HDDC2: variants seen among roughly 807,000 people sequenced by gnomAD.
The protein encoded by HDDC2 is 5'-deoxynucleotidase HDDC2.
A neutral mutation model predicts 25.5 loss-of-function variants in HDDC2; 25 were observed. The ratio of observed to expected loss-of-function variants is 0.98; its 90% CI spans 0.72 to 1.37. HDDC2 has a LOEUF of 1.37. Among genes scored for constraint, HDDC2 ranks in the 40% most tolerant of loss-of-function variants. The probability of loss-of-function intolerance (pLI) is 0.00; values close to 1 mark genes in which losing one functional copy is unlikely to be tolerated. For missense variants in HDDC2, 264 were observed against 253.1 expected (o/e 1.04, Z -0.29); for synonymous variants, 106 against 89.7 (o/e 1.18, Z -1.03).
At position 125,276,138 on chromosome 6, in the gene HDDC2, A is replaced by T. The variant is rs767410553; in HGVS notation, c.*8T>A. On this transcript the variant is annotated 3_prime_UTR_variant, in exon 6 of 6. Transcript: ENST00000398153. ...TTGTTACAGGAGTGCAGCAATTTAG[A>T]GAGTGTCTCAGGAGTGTGGCTCACT... 4 of 1,586,586 alleles carry T rather than the reference A, an allele frequency of 2.5e-6. No homozygotes were observed. The Admixed American group carries it at 6.7e-5, about 26-fold the overall frequency.
In HDDC2 at chr6:125,293,610, C is replaced by T. The variant is rs962089411; in HGVS notation, c.310-701G>A. On this transcript the variant is annotated intron_variant, in intron 3 of 5. Transcript: ENST00000398153. ...GTAGGGAGCCTAGTACCTCAAGAGG[C>T]TGCCTTAGACAGTACTGGCAGAAAT... Among the ~76,000 whole-genome samples, 6 of 152,250 alleles carry T rather than the reference C, an allele frequency of 3.9e-5. No homozygotes were observed. In the South Asian group the frequency reaches 1.0e-3, roughly 26 times the overall value.
intron 4 of HDDC2, among the ~76,000 whole-genome samples, chr6:125,285,278 C>G (rs1798514292): frequency 6.6e-6 from 1 of 151,568 alleles, no homozygotes; most frequent in African/African-American, 2.4e-5. Context: ...CAAACCTGCA[C>G]GTTCTGCACA....
At position 125,293,264 on chromosome 6, in the gene HDDC2, T is replaced by A. The variant is rs186657242; in HGVS notation, c.310-355A>T. The A allele has an allele frequency of 2.2e-3, 784 of 351,942 alleles. 3 individuals carry two copies. Among genetic ancestry groups the A allele is most frequent in the Non-Finnish European group, 3.3e-3 (608 of 182,786 alleles). The allele number at this position is 351,942 out of a possible 1,614,324, so 21.8% of individuals were successfully genotyped here. ...CACAACATACCCACATACATTTCAATCATAAGCATATGAGAGTTCAAAACA... is the reference window on the plus strand; with the variant it reads ...CACAACATACCCACATACATTTCAAACATAAGCATATGAGAGTTCAAAACA... On this transcript the variant is annotated intron_variant, in intron 3 of 5. Transcript: ENST00000398153.
chr6:125,277,010 T>C (rs1490140960), intron 5 of HDDC2, 92 bp downstream of exon 5: 2 of 1,280,652 alleles, frequency 1.6e-6, no homozygotes, highest in Non-Finnish European at 2.2e-6. Flanking sequence ...CAGATGAAGG[T>C]ACCAACAGTG....
chr6:125,284,712 G>A (rs1798506550), intron 4 of HDDC2, among the ~76,000 whole-genome samples: 2 of 152,200 alleles, frequency 1.3e-5, no homozygotes, highest in Non-Finnish European at 2.9e-5. Context: ...CTACACTGTT[G>A]GTGGGAGTGC....
At chr6:125,286,891 C>T (rs1798545723) in intron 4 of HDDC2, among the ~76,000 whole-genome samples, 2 of 152,142 alleles carry the variant, frequency 1.3e-5, no homozygotes, top group Admixed American at 1.3e-4. Context: ...TAGAATATTA[C>T]CATTCTGAAG....
At chr6:125,300,316 C>T (rs1798775588) in intron 2 of HDDC2, 1 of 514,742 alleles carries the variant, frequency 1.9e-6, no homozygotes, top group Non-Finnish European at 3.4e-6. Context: ...TCCCCTGATA[C>T]CCTAGGCAGG....
intron 4 of HDDC2, among the ~76,000 whole-genome samples, chr6:125,282,156 G>C (rs559798579): frequency 2.4e-4 from 37 of 152,234 alleles, no homozygotes; most frequent in East Asian, 3.9e-4. Flanking sequence ...GACCAGCCTG[G>C]CCAACATGGT....
chr6:125,299,572 C>A lies in HDDC2; in HGVS notation c.207-756G>T, dbSNP rs147596757. Among the ~76,000 whole-genome samples, 242 of 152,300 alleles carry A rather than the reference C, an allele frequency of 1.6e-3. 1 individual carries two copies. Among genetic ancestry groups the A allele is most frequent in the African/African-American group, 5.6e-3 (234 of 41,570 alleles). ...TTTTAGGCTCCCCACACTACCAAGG[C>A]AGTACAAGGCCCAACAGTGTCCTCT... On this transcript the variant is annotated intron_variant, in intron 2 of 5. Transcript: ENST00000398153.
At chr6:125,276,922 T>C in intron 5 of HDDC2, 180 bp downstream of exon 5, 1 of 616,636 alleles carries the variant, frequency 1.6e-6, no homozygotes, top group Non-Finnish European at 2.8e-6. Flanking sequence ...TTAAACTCTA[T>C]TCCATTTATT....
At position 125,301,886 on chromosome 6, in the gene HDDC2, G is replaced by T; in HGVS notation, c.47C>A (p.Ser16Tyr). ...TACCAGCCGCAGGAACTGCAGTAGG[G>T]ACCGAGCCCCGTGGCCCGAGAAGGT... ...SATFSGHGARSLLQFLRLVGQ... is the reference protein window; with the variant it reads ...SATFSGHGARYLLQFLRLVGQ... The change falls in exon 1 of 6, where the codon TCC becomes TAC. Residue 16 changes from serine (S) to tyrosine (Y), a missense_variant. Coordinates refer to ENST00000398153, the MANE Select transcript of HDDC2 (RefSeq NM_016063.3). The T allele has an allele frequency of 6.4e-7, 1 of 1,551,366 alleles. No individual in the cohort carries two copies.
chr6:125,288,588 A>G (rs911666085), intron 4 of HDDC2, among the ~76,000 whole-genome samples: 14 of 152,280 alleles, frequency 9.2e-5, no homozygotes, highest in Admixed American at 1.3e-4. Flanking sequence ...TCATCTGACA[A>G]AGGGCTAATA....
rs909832948 is a variant in HDDC2, at chr6:125,293,064, G to A, written c.310-155C>T. On this transcript the variant is annotated intron_variant, in intron 3 of 5. Transcript: ENST00000398153. Reference sequence around the variant, plus strand: ...ACTGGACAATATTTATAGCTTGTGAGGAAGGCAGGCAGTTGTATACCTTAA... The same window carrying A: ...ACTGGACAATATTTATAGCTTGTGAAGAAGGCAGGCAGTTGTATACCTTAA... The A allele has an allele frequency of 2.7e-5, 19 of 710,690 alleles. No homozygotes were observed. The Admixed American group carries it at 3.8e-4, about 14-fold the overall frequency. 44.0% of individuals were successfully genotyped at this position (710,690 alleles called of 1,614,324 possible).
intron 4 of HDDC2, among the ~76,000 whole-genome samples, chr6:125,287,994 A>G (rs543577593): frequency 1.9e-4 from 29 of 152,158 alleles, no homozygotes; most frequent in Non-Finnish European, 4.0e-4. Context: ...CAGTCACAGC[A>G]TGGTGGCTGT....
chr6:125,299,323 T>C (rs1347260961), intron 2 of HDDC2, among the ~76,000 whole-genome samples: 1 of 152,142 alleles, frequency 6.6e-6, no homozygotes, highest in Non-Finnish European at 1.5e-5. Context: ...GTGGAGGTTG[T>C]AGTTGGCTGA....
intron 3 of HDDC2, among the ~76,000 whole-genome samples, chr6:125,295,523 G>A (rs1798694985): frequency 6.6e-6 from 1 of 151,972 alleles, no homozygotes; most frequent in African/African-American, 2.4e-5. Flanking sequence ...TTAAATATTG[G>A]TACCTACCTA....
intron 4 of HDDC2, among the ~76,000 whole-genome samples, chr6:125,282,445 T>G (rs1798473214): frequency 6.6e-6 from 1 of 152,068 alleles, no homozygotes; most frequent in Admixed American, 6.6e-5. Context: ...AAATAAAATC[T>G]TTTACATAGA....
chr6:125,283,095 G>A (rs188587109), intron 4 of HDDC2, among the ~76,000 whole-genome samples: 4 of 152,142 alleles, frequency 2.6e-5, no homozygotes, highest in African/African-American at 7.2e-5. Context: ...TACAGAAAAG[G>A]CCTTCGATAA....
chr6:125,296,981 A>T (rs1798713461), intron 3 of HDDC2, among the ~76,000 whole-genome samples: 1 of 152,186 alleles, frequency 6.6e-6, no homozygotes. Context: ...GTGCTTCCAG[A>T]GGGAAGTCTG....
Sources: gnomAD v4.1 joint callset for allele counts (sites outside exome capture counted in the v4.1 genomes callset) on GRCh38, gnomAD v4.1.1 for gene constraint, MANE v1.5 for transcripts, NCBI Gene and HGNC (gene_info 2026-07-23, HGNC 2026-07-21) for gene names.